RAB3GAP2: variants seen among roughly 807,000 people sequenced by gnomAD.
RAB3GAP2 encodes the protein RAB3 GTPase activating non-catalytic protein subunit 2, also known as rab3 GTPase-activating protein non-catalytic subunit.
RAB3GAP2 carries 87 observed loss-of-function variants against 185.3 expected under a neutral mutation model. That is an observed-to-expected ratio of 0.47 (90% CI 0.39 to 0.56). RAB3GAP2 has a LOEUF of 0.56. RAB3GAP2 is among the 20% of genes least tolerant of loss of function. RAB3GAP2 has a pLI of 0.00. For synonymous variants in RAB3GAP2, 554 were observed against 576.1 expected (o/e 0.96, Z 0.55); for missense variants, 1,492 against 1,638.2 (o/e 0.91, Z 1.54).
intron 28 of RAB3GAP2, 107 bp from the exon 29 acceptor site, chr1:220,159,528 CTA>C: frequency 1.2e-6 from 1 of 835,442 alleles, no homozygotes. Context: ...GTAAATGGCG[CTA>C]TAAGTAAATG....
intron 2 of RAB3GAP2, among the ~76,000 whole-genome samples, chr1:220,228,233 C>A (rs1273305489): frequency 6.6e-6 from 1 of 152,136 alleles, no homozygotes; most frequent in Admixed American, 6.5e-5. Context: ...TCTTTCCACT[C>A]CTTTACATTC....
chr1:220,236,781 T>C (rs566419649), intron 1 of RAB3GAP2, among the ~76,000 whole-genome samples: 24 of 152,322 alleles, frequency 1.6e-4, no homozygotes, highest in African/African-American at 5.5e-4. Context: ...TCTGGTAACC[T>C]TTCCAAGAAG....
chr1:220,210,368 A>T lies in RAB3GAP2; in HGVS notation c.612+20T>A. 1 of 1,584,896 alleles carries T rather than the reference A, an allele frequency of 6.3e-7. No individual in the cohort carries two copies. Among genetic ancestry groups the T allele is most frequent in the Non-Finnish European group, 8.7e-7 (1 of 1,153,300 alleles). On this transcript the variant is annotated intron_variant, in intron 7 of 34. Transcript: ENST00000358951. ...AAAATAATGCCACTGTTACTGTTGGAACACAATTTTTTACACTACCTGCTC... is the reference window on the plus strand; with the variant it reads ...AAAATAATGCCACTGTTACTGTTGGTACACAATTTTTTACACTACCTGCTC...
Position 220,257,708 on chromosome 1 carries a change from A to G in RAB3GAP2, c.115+14515T>C, listed in dbSNP as rs560632496. Among the ~76,000 whole-genome samples the G allele has an allele frequency of 1.6e-4, 24 of 152,290 alleles. No homozygotes were observed. The East Asian group carries it at 4.1e-3, about 26-fold the overall frequency. ...AAATAAACCCCAAAGCTTGCAGAAG[A>G]CAAGAAATAACCAAGATCAGAGCTG... On this transcript the variant is annotated intron_variant, in intron 1 of 34. Transcript: ENST00000358951.
intron 21 of RAB3GAP2, among the ~76,000 whole-genome samples, chr1:220,174,634 G>C (rs191171161): frequency 3.1e-4 from 47 of 151,718 alleles, no homozygotes; most frequent in Admixed American, 2.8e-3. Flanking sequence ...TCTATTTTTT[G>C]TACCCATTAG....
intron 28 of RAB3GAP2, 24 bp from the exon 29 acceptor site, chr1:220,159,445 G>GT (rs1558139257): frequency 1.3e-6 from 2 of 1,522,448 alleles, no homozygotes; most frequent in Admixed American, 3.4e-5. Context: ...ATAAAATGTT[G>GT]TAACATTTAA....
At chr1:220,199,443 A>G (rs769117926) in intron 9 of RAB3GAP2, among the ~76,000 whole-genome samples, 3 of 152,194 alleles carry the variant, frequency 2.0e-5, no homozygotes, top group Non-Finnish European at 4.4e-5. Context: ...TTTCATATCA[A>G]AAGTCAGTAA....
At chr1:220,240,812 C>A (rs139981109) in intron 1 of RAB3GAP2, among the ~76,000 whole-genome samples, 13 of 152,082 alleles carry the variant, frequency 8.5e-5, no homozygotes, top group African/African-American at 2.4e-4. Flanking sequence ...CTATTAATAT[C>A]TAGAATAATC....
chr1:220,243,761 G>A (rs72749209), intron 1 of RAB3GAP2, among the ~76,000 whole-genome samples: 14 of 152,280 alleles, frequency 9.2e-5, no homozygotes, highest in Admixed American at 2.0e-4. Context: ...GGAGATCAAA[G>A]CTATAGAGCT....
Position 220,157,848 on chromosome 1 carries a change from G to A in RAB3GAP2, c.3290C>T (p.Thr1097Ile). 7 of 1,613,750 alleles carry A rather than the reference G, an allele frequency of 4.3e-6. No individual in the cohort carries two copies. The highest frequency in any genetic ancestry group is 5.9e-6 in the Non-Finnish European group (7 of 1,179,692). The change falls in exon 30 of 35, where the codon ACA becomes ATA. Residue 1097 changes from threonine to isoleucine, a missense_variant. Physicochemically the swap from Thr to Ile is moderately conservative, Grantham distance 89. This residue lies in a region of RAB3GAP2 where 387 missense variants were observed against 455.3 expected (regional missense o/e 0.85). Coordinates refer to ENST00000358951, the MANE Select transcript of RAB3GAP2 (RefSeq NM_012414.4). ...ATCCAAACAGGAGCCGAGGAAAGAT[G>A]TCATTGCTGTGTCACTCATTCCCAC... ...RDVGMSDTAMTSFLGSCLDLL... is the reference protein window; with the variant it reads ...RDVGMSDTAMISFLGSCLDLL...
chr1:220,249,439 G>C (rs1025808035), intron 1 of RAB3GAP2, among the ~76,000 whole-genome samples: 1 of 152,180 alleles, frequency 6.6e-6, no homozygotes, highest in African/African-American at 2.4e-5. Context: ...TTTTAAACTT[G>C]AGAAAGATAG....
chr1:220,172,284 A>G (rs1295450304), intron 22 of RAB3GAP2, among the ~76,000 whole-genome samples: 1 of 152,172 alleles, frequency 6.6e-6, no homozygotes. Context: ...GGAATATTTC[A>G]TCATTACTGA....
rs901585702 is a variant in RAB3GAP2, at chr1:220,202,281, C to T, written c.806G>A (p.Ser269Asn). The stretch of plus-strand genomic sequence containing the variant: ...TTTGAATTAGTAATACTTACCAACA[C>T]TAGCATGATCAATAATAGTGTCAAT... ...QDIDTIIDHA[S>N]VGIMTLSPFD... Residue 269 changes from serine to asparagine, a missense_variant, in exon 9 of 35, where the codon AGT becomes AAT. Ser to Asn is a conservative substitution (Grantham distance 46). Coordinates refer to ENST00000358951, the MANE Select transcript of RAB3GAP2 (RefSeq NM_012414.4). The T allele has an allele frequency of 1.2e-6, 2 of 1,613,414 alleles. No homozygotes were observed. The highest frequency in any genetic ancestry group is 2.7e-5 in the African/African-American group (2 of 74,910).
chr1:220,160,863 C>T (rs1396887491), intron 28 of RAB3GAP2, among the ~76,000 whole-genome samples: 2 of 152,164 alleles, frequency 1.3e-5, no homozygotes, highest in East Asian at 1.9e-4. Context: ...TCTTTGAGGG[C>T]CAGGACCATA....
rs1657730874 is a variant in RAB3GAP2 at position 220,150,542 on chromosome 1, A to T, written c.*709T>A. ...GATACAACTTTGCAACTTGGCAAAA[A>T]GCAAATCTTAACTTACATTATAATT... On this transcript the variant is annotated 3_prime_UTR_variant, in exon 35 of 35. Coordinates refer to ENST00000358951, the MANE Select transcript of RAB3GAP2 (RefSeq NM_012414.4). 6.6e-6 allele frequency: 1 copy of T among 152,232 alleles called. No homozygotes were observed. Among genetic ancestry groups the T allele is most frequent in the African/African-American group, 2.4e-5 (1 of 41,268 alleles). The allele number at this position is 152,232 out of a possible 1,614,324, so 9.4% of individuals were successfully genotyped here.
chr1:220,156,457 C>T (rs1213688128), intron 31 of RAB3GAP2, among the ~76,000 whole-genome samples: 1 of 152,214 alleles, frequency 6.6e-6, no homozygotes, highest in East Asian at 1.9e-4. Context: ...GTGAAGGTTA[C>T]AATAGAATAT....
rs552678258 is a variant in RAB3GAP2, at chr1:220,222,207, G to C, written c.181-8228C>G. Among the ~76,000 whole-genome samples the C allele has an allele frequency of 8.9e-4, 136 of 152,070 alleles. 1 individual carries two copies. Among genetic ancestry groups the C allele is most frequent in the Non-Finnish European group, 1.6e-3 (110 of 67,986 alleles). On this transcript the variant is annotated intron_variant, in intron 2 of 34. Transcript: ENST00000358951. ...ACATCACTATATTACTAGTTACTAA[G>C]GATTTTTTCTTTTTTTTTCTATTCT... is the stretch of plus-strand genomic sequence containing the variant.
rs1302127770 is a variant in RAB3GAP2 at position 220,251,979 on chromosome 1, C to T, written c.116-19116G>A. ...AGCCTAGGCAACATAGTGAGATCCC[C>T]ATCTCTACAAAGAAATAGAAAAAGT... On this transcript the variant is annotated intron_variant, in intron 1 of 34. Coordinates refer to ENST00000358951, the MANE Select transcript of RAB3GAP2 (RefSeq NM_012414.4). Among the ~76,000 whole-genome samples the T allele has an allele frequency of 4.0e-5, 6 of 151,896 alleles. No homozygotes were observed. In the East Asian group the frequency reaches 1.2e-3, roughly 30 times the overall value.
At chr1:220,208,511 AG>A (rs1659012954) in intron 7 of RAB3GAP2, among the ~76,000 whole-genome samples, 1 of 152,170 alleles carries the variant, frequency 6.6e-6, no homozygotes, top group African/African-American at 2.4e-5. Flanking sequence ...ACATGATATC[AG>A]TAACTTGATT....
Sources: allele counts gnomAD v4.1 joint callset (sites outside exome capture counted in the v4.1 genomes callset), GRCh38; gene constraint gnomAD v4.1.1; regional missense constraint gnomAD v4.1.1; transcripts MANE v1.5; gene names NCBI Gene and HGNC (gene_info 2026-07-23, HGNC 2026-07-21).